The following CD177 variants were observed in gnomAD, a reference collection of about 807,000 sequenced individuals.
CD177 encodes CD177 antigen.
In CD177, 41 loss-of-function variants were observed where a neutral mutation model predicts 38.1. The observed-to-expected ratio is 1.07, with a 90% CI of 0.84 to 1.39. The LOEUF (loss-of-function observed/expected upper bound fraction) is 1.39, where lower values mean the gene tolerates loss of function less well. CD177 is among the 40% of genes most tolerant of loss of function. The probability of loss-of-function intolerance (pLI) is 0.00; values close to 1 mark genes in which losing one functional copy is unlikely to be tolerated. For missense variants in CD177, 619 were observed against 523.8 expected (o/e 1.18, Z -1.77); for synonymous variants, 236 against 216.7 (o/e 1.09, Z -0.78).
In CD177 at chr19:43,354,213, A is replaced by G. The variant is rs1423377492; in HGVS notation, c.200A>G (p.Gln67Arg). 2 of 1,612,710 alleles carry G rather than the reference A, an allele frequency of 1.2e-6. No homozygotes were observed. The highest frequency in any genetic ancestry group is 1.7e-6 in the Non-Finnish European group (2 of 1,179,482). Residue 67 changes from glutamine (Q) to arginine (R), a missense_variant, in exon 3 of 9, where the codon CAA becomes CGA. Coordinates refer to ENST00000618265, the MANE Select transcript of CD177 (RefSeq NM_020406.4). ...DTLMLIESGP[Q>R]VSLVLSKGCT... The stretch of plus-strand genomic sequence containing the variant: ...CCTCCCTCTTTCGGTCCAGGACCCC[A>G]AGTGAGCCTGGTGCTCTCCAAGGGC...
chr19:43,354,538 C>T, intron 3 of CD177, 146 bp downstream of exon 3: 4 of 783,698 alleles, frequency 5.1e-6, no homozygotes, highest in Non-Finnish European at 8.3e-6. Flanking sequence ...GCTCCCTGAC[C>T]ATCGCCCCGC....
Position 43,362,429 on chromosome 19 carries a change from T to G in CD177, c.*109T>G. 1 of 594,570 alleles carries G rather than the reference T, an allele frequency of 1.7e-6. No homozygotes were observed. Among genetic ancestry groups the G allele is most frequent in the East Asian group, 2.8e-5 (1 of 35,608 alleles). The allele number at this position is 594,570 out of a possible 1,614,324, so 36.8% of individuals were successfully genotyped here. ...ACCAGATTCTTTCCCATTCTGTCCA[T>G]GAATCATCTTCCCCACACACAATCA... On this transcript the variant is annotated 3_prime_UTR_variant, in exon 9 of 9. Transcript: ENST00000618265.
chr19:43,360,611 G>T (rs1969949071), intron 6 of CD177: 2 of 586,268 alleles, frequency 3.4e-6, no homozygotes, highest in African/African-American at 1.9e-5. Context: ...GCCTTTCTGG[G>T]GAGGGGTGAC....
In CD177 at chr19:43,362,747, G is replaced by C. The variant is rs1307368917; in HGVS notation, c.*427G>C. 1 of 154,114 alleles carries C rather than the reference G, an allele frequency of 6.5e-6. No individual in the cohort carries two copies. Among genetic ancestry groups the C allele is most frequent in the Admixed American group, 6.5e-5 (1 of 15,388 alleles). The allele number at this position is 154,114 out of a possible 1,614,324, so 9.5% of individuals were successfully genotyped here. A position where few individuals can be genotyped will look rare whatever the true frequency, so the allele number is the denominator to read the frequency against. On this transcript the variant is annotated 3_prime_UTR_variant, in exon 9 of 9. Coordinates refer to ENST00000618265, the MANE Select transcript of CD177 (RefSeq NM_020406.4). ...GTAGCAGAGACTTCAGGGTGCTCCA[G>C]CCAAACGTATTTGGGCATCACCATG... is the stretch of plus-strand genomic sequence containing the variant.
chr19:43,363,025 T>C lies in CD177; in HGVS notation c.*705T>C, dbSNP rs1369644330. 1 of 152,080 alleles carries C rather than the reference T, an allele frequency of 6.6e-6. No homozygotes were observed. The highest frequency in any genetic ancestry group is 1.9e-4 in the East Asian group (1 of 5,186). 9.4% of individuals were successfully genotyped at this position (152,080 alleles called of 1,614,324 possible). ...TACACACCCAGGATGGACGCTAGAG[T>C]CGACTGCTCCTAGGCTACAAGCCTG... On this transcript the variant is annotated 3_prime_UTR_variant, in exon 9 of 9. Transcript: ENST00000618265.
chr19:43,355,934 G>C (rs1319707309), intron 4 of CD177, 58 bp from the exon 5 acceptor site: 10 of 971,886 alleles, frequency 1.0e-5, no homozygotes, highest in Non-Finnish European at 1.6e-5. Flanking sequence ...CTGCCTCTGA[G>C]GGTTGGGTGG....
intron 3 of CD177, 38 bp downstream of exon 3, chr19:43,354,430 C>T: frequency 6.2e-7 from 1 of 1,603,198 alleles, no homozygotes; most frequent in Non-Finnish European, 8.5e-7. Context: ...GGAGGGGCTG[C>T]TAGAAGGGGA....
chr19:43,354,831 C>T (rs1307155823), intron 3 of CD177, among the ~76,000 whole-genome samples: 1 of 152,034 alleles, frequency 6.6e-6, no homozygotes, highest in East Asian at 1.9e-4. Context: ...ATATTTTGCG[C>T]TTCTTTTATT....
chr19:43,362,170 G>A lies in CD177; in HGVS notation c.1164G>A (p.Gly388=), dbSNP rs752895773. ...SFLLNHTRQI[G]IFSAREKRDV... ...TGTTGAACCACACCAGACAAATCGG[G>A]ATCTTCTCTGCGCGTGAGAAGCGTG... The change falls in exon 9 of 9, where the codon GGG becomes GGA. Residue 388 remains glycine (G), a synonymous_variant. Transcript: ENST00000618265. 1 of 1,613,652 alleles carries A rather than the reference G, an allele frequency of 6.2e-7. No homozygotes were observed. The highest frequency in any genetic ancestry group is 1.1e-5 in the South Asian group (1 of 91,058).
Position 43,361,495 on chromosome 19 carries a change from G to A in CD177, c.997G>A (p.Gly333Arg), listed in dbSNP as rs559277932. The A allele has an allele frequency of 2.5e-6, 4 of 1,591,722 alleles. No homozygotes were observed. In the African/African-American group the frequency reaches 5.4e-5, roughly 22 times the overall value. The change falls in exon 8 of 9, where the codon GGA (glycine) becomes AGA (arginine). Residue 333 changes from glycine to arginine, a missense_variant. Gly to Arg is a moderately radical substitution (Grantham distance 125). Transcript: ENST00000618265. ...RQCPTCVQPL[G>R]TCSSGSPRMT... The stretch of plus-strand genomic sequence containing the variant: ...GTGTCCTACCTGTGTGCAGCCCCTT[G>A]GAACCTGTTCAAGTGGCTCCCCCCG...
chr19:43,355,240 C>T (rs557825775), intron 3 of CD177, among the ~76,000 whole-genome samples: 5 of 150,294 alleles, frequency 3.3e-5, no homozygotes, highest in African/African-American at 4.9e-5. Flanking sequence ...CAGCCTCCCA[C>T]GTAGCAGGGA....
chr19:43,365,341 T>A (rs1376350680), downstream of CD177, among the ~76,000 whole-genome samples: 1 of 122,878 alleles, frequency 8.1e-6, no homozygotes, highest in Non-Finnish European at 1.8e-5. Flanking sequence ...GTCCTCCCTA[T>A]CCATGTGGCC....
downstream of CD177, among the ~76,000 whole-genome samples, chr19:43,363,579 C>T (rs1970004223): frequency 2.0e-5 from 3 of 152,282 alleles, no homozygotes; most frequent in East Asian, 3.9e-4. Context: ...CTCTGGTCTC[C>T]AGTTGAGGTT....
downstream of CD177, among the ~76,000 whole-genome samples, chr19:43,363,924 CA>C (rs568606190): frequency 2.0e-4 from 30 of 152,068 alleles, no homozygotes; most frequent in African/African-American, 6.3e-4. Flanking sequence ...CGCTTCTCTA[CA>C]AAAAAATACA....
chr19:43,363,141 C>G lies in CD177; in HGVS notation c.*821C>G, dbSNP rs1395904262. On this transcript the variant is annotated 3_prime_UTR_variant, in exon 9 of 9. Coordinates refer to ENST00000618265, the MANE Select transcript of CD177 (RefSeq NM_020406.4). ...CACACATCTAAACATAGAAAAGGTACAGCATAAATACACTATTGTCATCTC... is the reference window on the plus strand; with the variant it reads ...CACACATCTAAACATAGAAAAGGTAGAGCATAAATACACTATTGTCATCTC... The G allele has an allele frequency of 6.6e-6, 1 of 152,166 alleles. No homozygotes were observed. The highest frequency in any genetic ancestry group is 2.4e-5 in the African/African-American group (1 of 41,424). The allele number at this position is 152,166 out of a possible 1,614,324, so 9.4% of individuals were successfully genotyped here.
chr19:43,353,945 T>G lies in CD177; in HGVS notation c.145T>G (p.Cys49Gly). ...GCAATGGACCCCTAAGAACACCAGC[T>G]GCGACAGCGGCTTGGGGTGCCAGGA... ...PRQWTPKNTS[C>G]DSGLGCQDTL... Residue 49 changes from cysteine to glycine, a missense_variant, in exon 2 of 9, where the codon TGC (cysteine) becomes GGC (glycine). Transcript: ENST00000618265. 6.2e-7 allele frequency: 1 copy of G among 1,613,894 alleles called. No homozygotes were observed. Among genetic ancestry groups the G allele is most frequent in the East Asian group, 2.2e-5 (1 of 44,860 alleles).
At position 43,355,981 on chromosome 19, in the gene CD177, C is replaced by G. The variant is rs1244722712; in HGVS notation, c.503-11C>G. The G allele has an allele frequency of 4.5e-6, 3 of 668,216 alleles. No individual in the cohort carries two copies. Among genetic ancestry groups the G allele is most frequent in the African/African-American group, 1.8e-5 (1 of 54,120 alleles). The allele number at this position is 668,216 out of a possible 1,614,324, so 41.4% of individuals were successfully genotyped here. On this transcript the variant is annotated splice_polypyrimidine_tract_variant and intron_variant, in intron 4 of 8. Coordinates refer to ENST00000618265, the MANE Select transcript of CD177 (RefSeq NM_020406.4). Reference sequence around the variant, plus strand: ...GCATCACTGACTCTCCCTCGCTCCCCCTTTCTGCAGGAGGCATCTTCTCCA... The same window carrying G: ...GCATCACTGACTCTCCCTCGCTCCCGCTTTCTGCAGGAGGCATCTTCTCCA...
chr19:43,361,996 T>A (rs1287292117), intron 8 of CD177, 92 bp from the exon 9 acceptor site: 17 of 1,091,556 alleles, frequency 1.6e-5, no homozygotes, highest in Non-Finnish European at 2.3e-5. Flanking sequence ...CTCCTCGGTC[T>A]GAGGGAGGAG....
chr19:43,353,713 T>A lies in CD177; in HGVS notation c.-2T>A, dbSNP rs1297783866. On this transcript the variant is annotated 5_prime_UTR_variant, in exon 1 of 9. Transcript: ENST00000618265. ...AAAGAGATTACCAGCCACAGACGGG[T>A]CATGAGCGCGGTATTACTGCTGGCC... The A allele has an allele frequency of 1.2e-6, 2 of 1,613,556 alleles. No individual in the cohort carries two copies. The highest frequency in any genetic ancestry group is 1.6e-4 in the Middle Eastern group (1 of 6,082).
Sources: allele counts gnomAD v4.1 joint callset (sites outside exome capture counted in the v4.1 genomes callset), GRCh38; gene constraint gnomAD v4.1.1; transcripts MANE v1.5; gene names NCBI Gene and HGNC (gene_info 2026-07-23, HGNC 2026-07-21).